Variants in FMN2 observed in about 807,000 individuals in gnomAD.
FMN2 encodes formin-2.
FMN2 carries 51 observed loss-of-function variants against 142.3 expected under a neutral mutation model. That is an observed-to-expected ratio of 0.36 (90% CI 0.29 to 0.45). The LOEUF (loss-of-function observed/expected upper bound fraction) is 0.45. Among genes scored for constraint, FMN2 ranks in the 20% least tolerant of loss-of-function variants. The probability of loss-of-function intolerance (pLI) is 1.00; values close to 1 mark genes in which losing one functional copy is unlikely to be tolerated. For synonymous variants in FMN2, 882 were observed against 869.8 expected, an observed-to-expected ratio of 1.01 and a Z score of -0.25; for missense variants, 1,936 against 2,122.8, an observed-to-expected ratio of 0.91 and a Z score of 1.73.
intron 8 of FMN2, among the ~76,000 whole-genome samples, chr1:240,296,865 T>G (rs1223526116): frequency 6.6e-6 from 1 of 152,180 alleles, no homozygotes; most frequent in African/African-American, 2.4e-5. Flanking sequence ...AAGCTTTCAG[T>G]GATTTATTAT....
chr1:240,431,855 G>A (rs1207604394), intron 15 of FMN2, among the ~76,000 whole-genome samples: 2 of 150,842 alleles, frequency 1.3e-5, no homozygotes, highest in Non-Finnish European at 3.0e-5. Context: ...TGCTGCATTT[G>A]ATTTGATGAT....
intron 6 of FMN2, among the ~76,000 whole-genome samples, chr1:240,238,921 G>T (rs932745464): frequency 2.0e-5 from 3 of 152,102 alleles, no homozygotes; most frequent in Non-Finnish European, 4.4e-5. Flanking sequence ...TCAAGAACAG[G>T]CAGAAGTTAT....
chr1:240,388,643 C>T (rs1290695892), intron 14 of FMN2, among the ~76,000 whole-genome samples: 4 of 152,046 alleles, frequency 2.6e-5, no homozygotes, highest in South Asian at 2.1e-4. Context: ...AGGTGGATCA[C>T]CTCAGGTCAG....
intron 8 of FMN2, among the ~76,000 whole-genome samples, chr1:240,316,682 AT>A (rs1558429078): frequency 6.6e-6 from 1 of 152,142 alleles, no homozygotes; most frequent in African/African-American, 2.4e-5. Flanking sequence ...TGATGAACAG[AT>A]TTGGGGACAA....
chr1:240,215,704 C>T (rs1666868608), intron 6 of FMN2, among the ~76,000 whole-genome samples: 1 of 151,846 alleles, frequency 6.6e-6, no homozygotes, highest in Non-Finnish European at 1.5e-5. Context: ...CATGTTTTAG[C>T]AGATTTCTTT....
chr1:240,169,755 G>C (rs77759990), intron 2 of FMN2, among the ~76,000 whole-genome samples: 1 of 152,142 alleles, frequency 6.6e-6, no homozygotes, highest in East Asian at 1.9e-4. Context: ...AATTATAGGC[G>C]TGAGCCACCA....
intron 15 of FMN2, among the ~76,000 whole-genome samples, chr1:240,415,334 G>C (rs192196239): frequency 5.3e-5 from 8 of 152,206 alleles, no homozygotes; most frequent in South Asian, 2.1e-4. Context: ...GAGTTGAACA[G>C]TGAGAACTCA....
intron 15 of FMN2, among the ~76,000 whole-genome samples, chr1:240,407,556 A>G (rs1674252948): frequency 6.6e-6 from 1 of 152,220 alleles, no homozygotes; most frequent in South Asian, 2.1e-4. Context: ...AGCAAGATCT[A>G]TAGGAGATTA....
At chr1:240,185,486 G>A (rs1665403671) in intron 3 of FMN2, among the ~76,000 whole-genome samples, 1 of 152,232 alleles carries the variant, frequency 6.6e-6, no homozygotes, top group Non-Finnish European at 1.5e-5. Flanking sequence ...AATGAATTCA[G>A]TTCAGGTAGC....
At position 240,105,169 on chromosome 1, in the gene FMN2, C is replaced by T. The variant is rs190911528; in HGVS notation, c.1615+11445C>T. Among the ~76,000 whole-genome samples, 384 of 129,444 alleles carry T rather than the reference C, an allele frequency of 3.0e-3. 1 individual carries two copies. The highest frequency in any genetic ancestry group is 0.011 in the African/African-American group (367 of 32,990). 84.9% of individuals were successfully genotyped at this position (129,444 alleles called of 152,430 possible). ...TGTCGCCCAGGCTGGAGTGCCGTGG[C>T]GTGATCTCGGCTGACTACAGCCTCA... On this transcript the variant is annotated intron_variant, in intron 1 of 17. Coordinates refer to ENST00000319653, the MANE Select transcript of FMN2 (RefSeq NM_020066.5).
chr1:240,438,875 A>C (rs1409688971), intron 16 of FMN2, among the ~76,000 whole-genome samples: 2 of 152,214 alleles, frequency 1.3e-5, no homozygotes, highest in Non-Finnish European at 2.9e-5. Flanking sequence ...GTGGGAAACT[A>C]AAGGGAAACG....
intron 12 of FMN2, 54 bp from the exon 13 acceptor site, chr1:240,334,055 T>G: frequency 3.8e-6 from 6 of 1,572,116 alleles, no homozygotes; most frequent in Non-Finnish European, 5.1e-6. Flanking sequence ...CTATTATTCT[T>G]TTTTATATTG....
intron 13 of FMN2, among the ~76,000 whole-genome samples, chr1:240,349,466 C>G (rs1262838113): frequency 1.3e-5 from 2 of 151,812 alleles, no homozygotes; most frequent in Non-Finnish European, 2.9e-5. Flanking sequence ...AACTTGTAGA[C>G]TTGTATAAAT....
chr1:240,180,570 T>TTTTTC, intron 3 of FMN2, among the ~76,000 whole-genome samples: 1 of 93,252 alleles, frequency 1.1e-5, no homozygotes, highest in African/African-American at 4.7e-5. Flanking sequence ...TGACCCCTTT[T>TTTTTC]TTTTTTTTTT....
At chr1:240,157,482 G>A (rs1281045986) in intron 2 of FMN2, among the ~76,000 whole-genome samples, 4 of 152,154 alleles carry the variant, frequency 2.6e-5, no homozygotes, top group South Asian at 2.1e-4. Context: ...AGAAGTATTA[G>A]AAAAGTTGCC....
At chr1:240,240,716 T>C (rs992057145) in intron 6 of FMN2, among the ~76,000 whole-genome samples, 3 of 152,192 alleles carry the variant, frequency 2.0e-5, no homozygotes, top group East Asian at 3.9e-4. Flanking sequence ...GAAAACATAA[T>C]ATGAAAATTA....
intron 16 of FMN2, among the ~76,000 whole-genome samples, chr1:240,462,725 C>A (rs1676485009): frequency 6.6e-6 from 1 of 152,190 alleles, no homozygotes; most frequent in East Asian, 1.9e-4. Flanking sequence ...TACATGACTC[C>A]TCAACTCAAG....
At chr1:240,242,859 C>T (rs1207378576) in intron 6 of FMN2, among the ~76,000 whole-genome samples, 1 of 152,222 alleles carries the variant, frequency 6.6e-6, no homozygotes, top group African/African-American at 2.4e-5. Flanking sequence ...AATGTCACCT[C>T]ACCAATTAGC....
intron 6 of FMN2, among the ~76,000 whole-genome samples, chr1:240,212,601 T>A (rs142083849): frequency 6.6e-6 from 1 of 152,336 alleles, no homozygotes; most frequent in African/African-American, 2.4e-5. Context: ...AGGTTACTCA[T>A]TTCATAATAA....
Sources: gnomAD v4.1 joint callset for allele counts (sites outside exome capture counted in the v4.1 genomes callset) on GRCh38, gnomAD v4.1.1 for gene constraint, MANE v1.5 for transcripts, NCBI Gene and HGNC (gene_info 2026-07-23, HGNC 2026-07-21) for gene names.